AHCY: variants seen among roughly 807,000 people sequenced by gnomAD.
AHCY encodes adenosylhomocysteinase, also known as S-adenosyl-L-homocysteine hydrolase.
AHCY carries 24 observed loss-of-function variants against 45.4 expected under a neutral mutation model. The ratio of observed to expected loss-of-function variants is 0.53; its 90% CI spans 0.38 to 0.74. The LOEUF (loss-of-function observed/expected upper bound fraction) is 0.74, where lower values mean the gene tolerates loss of function less well. Among genes scored for constraint, AHCY ranks in the 30% least tolerant of loss-of-function variants. The probability of loss-of-function intolerance (pLI) is 0.00; values close to 1 mark genes in which losing one functional copy is unlikely to be tolerated. For synonymous variants in AHCY, 245 were observed against 235.1 expected, an observed-to-expected ratio of 1.04 and a Z score of -0.39; for missense variants, 449 against 594.1, an observed-to-expected ratio of 0.76 and a Z score of 2.54.
chr20:34,296,075 A>C (rs2036569512), intron 1 of AHCY, among the ~76,000 whole-genome samples: 1 of 152,118 alleles, frequency 6.6e-6, no homozygotes, highest in African/African-American at 2.4e-5. Flanking sequence ...AGATGTAAAA[A>C]TGCTTCCCCA....
rs2035983583 is a variant in AHCY at position 34,281,051 on chromosome 20, C to T, written c.1282G>A (p.Asp428Asn). 1 of 1,614,094 alleles carries T rather than the reference C, an allele frequency of 6.2e-7. No homozygotes were observed. Reference protein sequence around the residue: ...GMSCDGPFKPDHYRY With the variant: ...GMSCDGPFKPNHYRY ...CCTGGCTCTCAGTAGCGGTAGTGAT[C>T]CGGCTTGAAGGGGCCATCACAGGAC... Residue 428 changes from aspartate to asparagine, a missense_variant, in exon 10 of 10, where the codon GAT becomes AAT. Transcript: ENST00000217426.
At chr20:34,282,139 A>G (rs1419092803) in intron 9 of AHCY, among the ~76,000 whole-genome samples, 1 of 152,088 alleles carries the variant, frequency 6.6e-6, no homozygotes, top group Non-Finnish European at 1.5e-5. Context: ...TAATGAATAG[A>G]AGAAAGCAGA....
At chr20:34,245,129 T>G in the AHCY span, among the ~76,000 whole-genome samples, 1 of 150,404 alleles carries the variant, frequency 6.6e-6, no homozygotes, top group Non-Finnish European at 1.5e-5. Context: ...AGGTCAGGAG[T>G]TCGAGACCAG....
rs1601632840 is a variant in AHCY at position 34,280,881 on chromosome 20, T to C, written c.*153A>G. On this transcript the variant is annotated 3_prime_UTR_variant, in exon 10 of 10. Coordinates refer to ENST00000217426, the MANE Select transcript of AHCY (RefSeq NM_000687.4). ...GCCACATTTGGAACAGTATGACGGCTGCAGCAGAGGCCAAAAACTAAGTGA... is the reference window on the plus strand; with the variant it reads ...GCCACATTTGGAACAGTATGACGGCCGCAGCAGAGGCCAAAAACTAAGTGA... 2 of 1,181,522 alleles carry C rather than the reference T, an allele frequency of 1.7e-6. No homozygotes were observed. The highest frequency in any genetic ancestry group is 2.7e-5 in the South Asian group (2 of 73,786). 73.2% of individuals were successfully genotyped at this position (1,181,522 alleles called of 1,614,324 possible).
At chr20:34,260,465 C>T in the AHCY span, 8 of 1,614,102 alleles carry the variant, frequency 5.0e-6, no homozygotes, top group African/African-American at 2.7e-5. Flanking sequence ...GGAGAAGCTC[C>T]GAGATGACAG....
the AHCY span, among the ~76,000 whole-genome samples, chr20:34,233,143 CTTTTTT>C: frequency 1.0e-5 from 1 of 100,314 alleles, no homozygotes; most frequent in Non-Finnish European, 1.9e-5. Flanking sequence ...GGGACAAGAG[CTTTTTT>C]TTTTTTTTTT....
At chr20:34,234,503 TCC>T in the AHCY span, among the ~76,000 whole-genome samples, 2 of 112,414 alleles carry the variant, frequency 1.8e-5, no homozygotes, top group East Asian at 2.9e-4. Flanking sequence ...TTTTCTTTTC[TCC>T]TTCCTTCCTT....
chr20:34,295,300 C>T (rs574368126), intron 2 of AHCY, 95 bp downstream of exon 2: 2 of 1,499,738 alleles, frequency 1.3e-6, no homozygotes, highest in African/African-American at 2.8e-5. Context: ...GTCAGCTCCA[C>T]ACCTGGAAGG....
chr20:34,301,912 A>G (rs759527240), intron 1 of AHCY: 47 of 985,288 alleles, frequency 4.8e-5, no homozygotes, highest in Non-Finnish European at 5.7e-5. Context: ...TATGAAGATT[A>G]TTGTGTAAAC....
At chr20:34,300,207 TACACTGCCACTTCTCAGTTGG>T (rs2036723948) in intron 1 of AHCY, among the ~76,000 whole-genome samples, 1 of 151,864 alleles carries the variant, frequency 6.6e-6, no homozygotes, top group Admixed American at 6.6e-5. Flanking sequence ...AAGAAATAAA[TACACTGCCACTTCTCAGTTGG>T]ACACTGCCAC....
intron 9 of AHCY, 133 bp from the exon 10 acceptor site, chr20:34,281,298 A>G: frequency 1.5e-6 from 2 of 1,376,662 alleles, no homozygotes; most frequent in East Asian, 2.4e-5. Context: ...AACTCTTTCT[A>G]TCCTCACACC....
intron 1 of AHCY, among the ~76,000 whole-genome samples, chr20:34,308,498 C>A (rs1448330798): frequency 6.6e-6 from 1 of 152,034 alleles, no homozygotes; most frequent in Non-Finnish European, 1.5e-5. Flanking sequence ...TGCAGTGAGC[C>A]AAGATTATGC....
At chr20:34,275,969 G>C (rs950730567), downstream of AHCY, among the ~76,000 whole-genome samples, 1 of 152,120 alleles carries the variant, frequency 6.6e-6, no homozygotes, top group Non-Finnish European at 1.5e-5. Flanking sequence ...GGGATTACAG[G>C]TGTGAGCTGC....
chr20:34,267,592 C>T, the AHCY span, among the ~76,000 whole-genome samples: 1 of 151,260 alleles, frequency 6.6e-6, no homozygotes, highest in Admixed American at 6.6e-5. Flanking sequence ...AGTGCAATGG[C>T]GCAATCTCCA....
chr20:34,291,240 C>T (rs1252397560), intron 5 of AHCY, among the ~76,000 whole-genome samples, 179 bp downstream of exon 5: 1 of 152,238 alleles, frequency 6.6e-6, no homozygotes, highest in Non-Finnish European at 1.5e-5. Context: ...CATAAAGCTC[C>T]TAACACCCAG....
At chr20:34,281,255 G>C in intron 9 of AHCY, 90 bp from the exon 10 acceptor site, 2 of 1,569,602 alleles carry the variant, frequency 1.3e-6, no homozygotes, top group Non-Finnish European at 1.7e-6. Context: ...GAAGTGTTCT[G>C]TTAGGGTTTC....
chr20:34,299,646 C>T (rs1212960627), intron 1 of AHCY, among the ~76,000 whole-genome samples: 1 of 152,208 alleles, frequency 6.6e-6, no homozygotes, highest in Admixed American at 6.5e-5. Context: ...AGCACCTCCA[C>T]TTGGATGTCC....
intron 1 of AHCY, among the ~76,000 whole-genome samples, chr20:34,300,731 G>A (rs819148): frequency 0.72 from 109,955 of 152,144 alleles, 44,161 homozygotes; most frequent in Non-Finnish European, 0.89. Context: ...GTTTTCAGGG[G>A]CCAGCATTCA....
chr20:34,238,631 G>A, the AHCY span, among the ~76,000 whole-genome samples: 1 of 151,522 alleles, frequency 6.6e-6, no homozygotes, highest in Non-Finnish European at 1.5e-5. Context: ...TAATATATTT[G>A]TCTAGTAGGT....
Sources: gnomAD v4.1 joint callset for allele counts (sites outside exome capture counted in the v4.1 genomes callset) on GRCh38, gnomAD v4.1.1 for gene constraint, MANE v1.5 for transcripts, NCBI Gene and HGNC (gene_info 2026-07-23, HGNC 2026-07-21) for gene names.